TBC1D5: variants seen among roughly 807,000 people sequenced by gnomAD.
TBC1D5 encodes TBC1 domain family, member 5.
A neutral mutation model predicts 100.3 loss-of-function variants in TBC1D5; 75 were observed. The ratio of observed to expected loss-of-function variants is 0.75; its 90% CI spans 0.62 to 0.91. The LOEUF (loss-of-function observed/expected upper bound fraction) is 0.91. TBC1D5 is among the 40% of genes least tolerant of loss of function. The probability of loss-of-function intolerance (pLI) is 0.00; values close to 1 mark genes in which losing one functional copy is unlikely to be tolerated. For missense variants in TBC1D5, 910 were observed against 942.4 expected, an observed-to-expected ratio of 0.97 and a Z score of 0.45; for synonymous variants, 323 against 325.6, an observed-to-expected ratio of 0.99 and a Z score of 0.09.
intron 16 of TBC1D5, among the ~76,000 whole-genome samples, chr3:17,239,533 T>C (rs2076142564): frequency 6.6e-6 from 1 of 152,174 alleles, no homozygotes; most frequent in Non-Finnish European, 1.5e-5. Context: ...TTCCTCAGTC[T>C]TTGGTCCACC....
intron 2 of TBC1D5, among the ~76,000 whole-genome samples, chr3:17,578,634 T>C (rs774280862): frequency 6.6e-6 from 1 of 152,026 alleles, no homozygotes; most frequent in Non-Finnish European, 1.5e-5. Context: ...ACTCTTGAAC[T>C]TGAGCTGACA....
intron 1 of TBC1D5, among the ~76,000 whole-genome samples, chr3:17,669,311 A>G (rs2067656736): frequency 6.6e-6 from 1 of 152,178 alleles, no homozygotes; most frequent in Non-Finnish European, 1.5e-5. Context: ...TTTCCCTTAT[A>G]AATTACCCAG....
chr3:17,673,254 C>T (rs192836792), intron 1 of TBC1D5, among the ~76,000 whole-genome samples: 32 of 151,822 alleles, frequency 2.1e-4, no homozygotes, highest in African/African-American at 6.3e-4. Context: ...ATACTAATTC[C>T]GCATGGTAAA....
intron 16 of TBC1D5, among the ~76,000 whole-genome samples, chr3:17,247,321 T>A (rs868241570): frequency 1.3e-5 from 2 of 152,336 alleles, no homozygotes; most frequent in South Asian, 4.1e-4. Context: ...ATAAAGCAAG[T>A]ATCACAATAG....
At chr3:17,363,043 C>A (rs1312591232) in intron 13 of TBC1D5, among the ~76,000 whole-genome samples, 1 of 152,108 alleles carries the variant, frequency 6.6e-6, no homozygotes, top group Non-Finnish European at 1.5e-5. Flanking sequence ...AAAGAAACAA[C>A]TCATTTCATT....
At chr3:17,569,400 A>G (rs2096612944) in intron 2 of TBC1D5, among the ~76,000 whole-genome samples, 1 of 151,910 alleles carries the variant, frequency 6.6e-6, no homozygotes, top group South Asian at 2.1e-4. Flanking sequence ...ATGCAACTAT[A>G]TAGATATGAA....
At chr3:17,684,931 G>A (rs1038150176) in intron 1 of TBC1D5, among the ~76,000 whole-genome samples, 13 of 151,968 alleles carry the variant, frequency 8.6e-5, no homozygotes, top group Admixed American at 5.9e-4. Flanking sequence ...CATTCCAGTA[G>A]TAGAACAGAT....
At chr3:17,549,016 G>A (rs1271879293) in intron 2 of TBC1D5, among the ~76,000 whole-genome samples, 1 of 152,188 alleles carries the variant, frequency 6.6e-6, no homozygotes, top group Non-Finnish European at 1.5e-5. Context: ...ATCAAGTGGT[G>A]GCCAGGCAGG....
chr3:17,690,088 A>G (rs1432029216), intron 1 of TBC1D5, among the ~76,000 whole-genome samples: 3 of 152,216 alleles, frequency 2.0e-5, no homozygotes, highest in African/African-American at 7.2e-5. Context: ...ACAAGACTAG[A>G]AAACATAACA....
chr3:17,214,518 G>T, intron 17 of TBC1D5, 148 bp from the exon 19 acceptor site: 1 of 775,450 alleles, frequency 1.3e-6, no homozygotes, highest in Non-Finnish European at 1.9e-6. Flanking sequence ...TAAAATGCAT[G>T]CATTTTTATG....
At chr3:17,613,583 T>C (rs1347181453) in intron 2 of TBC1D5, among the ~76,000 whole-genome samples, 1 of 152,246 alleles carries the variant, frequency 6.6e-6, no homozygotes, top group East Asian at 1.9e-4. Context: ...CCATTCTAAC[T>C]GGCATGAGAT....
At chr3:17,527,732 CA>C (rs1560089692) in intron 2 of TBC1D5, among the ~76,000 whole-genome samples, 1 of 151,606 alleles carries the variant, frequency 6.6e-6, no homozygotes, top group African/African-American at 2.4e-5. Flanking sequence ...AAAAAGAAAC[CA>C]AAAAACTTAG....
intron 3 of TBC1D5, among the ~76,000 whole-genome samples, chr3:17,494,717 G>A (rs1029252608): frequency 2.0e-5 from 3 of 152,176 alleles, no homozygotes; most frequent in Admixed American, 6.5e-5. Context: ...CTCCTAGCCC[G>A]AACCCAGTCT....
intron 13 of TBC1D5, among the ~76,000 whole-genome samples, chr3:17,334,749 T>C (rs559658712): frequency 5.3e-5 from 8 of 152,264 alleles, no homozygotes; most frequent in Admixed American, 3.9e-4. Context: ...AAAATACTGG[T>C]AAGTCAACTT....
At chr3:17,259,395 A>G (rs2078055022) in intron 15 of TBC1D5, among the ~76,000 whole-genome samples, 1 of 152,200 alleles carries the variant, frequency 6.6e-6, no homozygotes, top group African/African-American at 2.4e-5. Flanking sequence ...AAATTAAACA[A>G]ATATACTTCT....
chr3:17,613,259 C>T (rs1049574075), intron 2 of TBC1D5, among the ~76,000 whole-genome samples: 4 of 152,132 alleles, frequency 2.6e-5, no homozygotes, highest in Non-Finnish European at 4.4e-5. Flanking sequence ...TGTATATGGG[C>T]CACATTTTCT....
chr3:17,462,940 TG>T (rs1177499004), intron 3 of TBC1D5, among the ~76,000 whole-genome samples: 1 of 152,126 alleles, frequency 6.6e-6, no homozygotes, highest in Non-Finnish European at 1.5e-5. Flanking sequence ...GGTGAATAGT[TG>T]GGGTAAGGGG....
chr3:17,693,661 G>A (rs1023751151), intron 1 of TBC1D5, among the ~76,000 whole-genome samples: 3 of 152,340 alleles, frequency 2.0e-5, no homozygotes, highest in East Asian at 1.9e-4. Flanking sequence ...GGCCTTAGCT[G>A]GACAAAAGGC....
intron 19 of TBC1D5, among the ~76,000 whole-genome samples, chr3:17,182,245 A>G (rs899647878): frequency 6.6e-6 from 1 of 152,196 alleles, no homozygotes. Flanking sequence ...ATCCCACTTT[A>G]AAAACGCAGT....
Sources: allele counts gnomAD v4.1 joint callset (sites outside exome capture counted in the v4.1 genomes callset), GRCh38; gene constraint gnomAD v4.1.1; transcripts MANE v1.5; gene names NCBI Gene and HGNC (gene_info 2026-07-23, HGNC 2026-07-21).